VPS33B: variants seen among roughly 807,000 people sequenced by gnomAD.
The protein encoded by VPS33B is VPS33B late endosome and lysosome associated.
A neutral mutation model predicts 95.3 loss-of-function variants in VPS33B; 80 were observed. The ratio of observed to expected loss-of-function variants is 0.84; its 90% CI spans 0.70 to 1.01. The LOEUF (loss-of-function observed/expected upper bound fraction) is 1.01, where lower values mean the gene tolerates loss of function less well. Ranked by LOEUF, VPS33B falls within the 50% of genes least tolerant of loss-of-function variation. The pLI is 0.00. For missense variants in VPS33B, 715 were observed against 773.4 expected (o/e 0.92, Z 0.90); for synonymous variants, 280 against 280.4 (o/e 1.00, Z 0.01).
rs2040848291 is a variant in VPS33B at position 91,013,888 on chromosome 15, T to C, written c.290-17A>G. The stretch of plus-strand genomic sequence containing the variant: ...TGACAAGACCTACAGAGAGAAGGAA[T>C]GCAGCCCAGCAAGTCATGGGCCATC... On this transcript the variant is annotated splice_polypyrimidine_tract_variant and intron_variant, in intron 4 of 22. Transcript: ENST00000333371. This position sits in a 1 kb window ranked among gnomAD's most constrained non-coding sequence, Gnocchi z 4.5. 1 of 1,613,988 alleles carries C rather than the reference T, an allele frequency of 6.2e-7. No individual in the cohort carries two copies. The highest frequency in any genetic ancestry group is 2.2e-5 in the East Asian group (1 of 44,878).
rs780076027 is a variant in VPS33B, at chr15:90,999,670, CTCTT to C, written c.1774+3_1774+6del. 1.9e-6 allele frequency: 3 copies of C among 1,613,830 alleles called. No homozygotes were observed. The Admixed American group carries it at 5.0e-5, about 27-fold the overall frequency. On this transcript the variant is annotated splice_donor_5th_base_variant and intron_variant, in intron 22 of 22. Transcript: ENST00000333371. The surrounding 1 kb of genome is among the most constrained non-coding windows in gnomAD (Gnocchi z 5.1). ...AGGCCAATTCTCACCTTTCTGCTCT[CTCTT>C]ACCTTTCTCTCTGCCCAGGAACCGG...
chr15:90,999,288 A>C lies in VPS33B; in HGVS notation c.1775-234T>G. Reference sequence around the variant, plus strand: ...GCAAGTTGTATTCTGAGGCCAGGAGAAAAATATTCCTGTGCAGGACACTTT... The same window carrying C: ...GCAAGTTGTATTCTGAGGCCAGGAGCAAAATATTCCTGTGCAGGACACTTT... On this transcript the variant is annotated intron_variant, in intron 22 of 22. Coordinates refer to ENST00000333371, the MANE Select transcript of VPS33B (RefSeq NM_018668.5). The surrounding 1 kb of genome is among the most constrained non-coding windows in gnomAD (Gnocchi z 5.1). The C allele has an allele frequency of 1.7e-6, 1 of 598,366 alleles. No individual in the cohort carries two copies. The highest frequency in any genetic ancestry group is 1.9e-5 in the South Asian group (1 of 51,286). The allele number at this position is 598,366 out of a possible 1,614,324, so 37.1% of individuals were successfully genotyped here.
At position 90,999,192 on chromosome 15, in the gene VPS33B, T is replaced by C; in HGVS notation, c.1775-138A>G. The C allele has an allele frequency of 5.0e-6, 4 of 800,512 alleles. No homozygotes were observed. The South Asian group carries it at 5.8e-5, about 12-fold the overall frequency. 49.6% of individuals were successfully genotyped at this position (800,512 alleles called of 1,614,324 possible). On this transcript the variant is annotated intron_variant, in intron 22 of 22. Transcript: ENST00000333371. This position sits in a 1 kb window ranked among gnomAD's most constrained non-coding sequence, Gnocchi z 5.1. ...AGACAGAGACGTGAGTGCCATGCTC[T>C]TGGGCACCACTGCTTTCTATGACTG...
Position 91,009,820 on chromosome 15 carries a change from C to T in VPS33B, c.384G>A (p.Glu128=), listed in dbSNP as rs767353416. 1.9e-6 allele frequency: 3 copies of T among 1,614,164 alleles called. No homozygotes were observed. Among genetic ancestry groups the T allele is most frequent in the South Asian group, 2.2e-5 (2 of 91,078 alleles). Residue 128 remains glutamate, a synonymous_variant, in exon 6 of 23, where the codon GAG becomes GAA. Coordinates refer to ENST00000333371, the MANE Select transcript of VPS33B (RefSeq NM_018668.5). The surrounding 1 kb of genome is among the most constrained non-coding windows in gnomAD (Gnocchi z 4.1). The part of the protein sequence containing the change: ...QKFYACEMVL[E]EEGIYGDVSC... ...TCTCACCTCCATAGATTCCCTCTTC[C>T]TCAAGCACCATCTCACACGCATAGA...
chr15:91,002,242 G>A lies in VPS33B; in HGVS notation c.1273-60C>T. 1 of 1,604,188 alleles carries A rather than the reference G, an allele frequency of 6.2e-7. No homozygotes were observed. On this transcript the variant is annotated intron_variant, in intron 17 of 22. Coordinates refer to ENST00000333371, the MANE Select transcript of VPS33B (RefSeq NM_018668.5). The surrounding 1 kb of genome is among the most constrained non-coding windows in gnomAD (Gnocchi z 4.7). ...TCCAAAGAGCATCTAGTACTGTCAG[G>A]TACTACAGAGTTGAGCAGAAGGACT...
In VPS33B at chr15:91,002,634, TAAA is replaced by T. The variant is rs74516510; in HGVS notation, c.1272+448_1272+450del. On this transcript the variant is annotated intron_variant, in intron 17 of 22. Coordinates refer to ENST00000333371, the MANE Select transcript of VPS33B (RefSeq NM_018668.5). The surrounding 1 kb of genome is among the most constrained non-coding windows in gnomAD (Gnocchi z 4.7). ...AACAGAGCGAGACATCGTCTCGAAA[TAAA>T]AAAAAAAAAAAAAAGAAAAGAAATA... 1.1e-5 allele frequency among the ~76,000 whole-genome samples: 1 copy of T among 88,760 alleles called. No homozygotes were observed. The highest frequency in any genetic ancestry group is 2.6e-5 in the Non-Finnish European group (1 of 38,044). The allele number at this position is 88,760 out of a possible 152,430, so 58.2% of individuals were successfully genotyped here.
intron 3 of VPS33B, 48 bp from the exon 4 acceptor site, chr15:91,014,481 G>GCTATCCAACTT: frequency 6.2e-7 from 1 of 1,600,846 alleles, no homozygotes; most frequent in Non-Finnish European, 8.6e-7. Flanking sequence ...TTATCAAGTT[G>GCTATCCAACTT]GATAGCAACT....
intron 4 of VPS33B, 71 bp downstream of exon 4, chr15:91,014,313 C>T: frequency 6.8e-7 from 1 of 1,476,604 alleles, no homozygotes; most frequent in Non-Finnish European, 9.5e-7. Flanking sequence ...ATTAGAGGGT[C>T]CTTATGGCCA....
At position 91,000,906 on chromosome 15, in the gene VPS33B, T is replaced by C. The variant is rs1332812393; in HGVS notation, c.1480-315A>G. 4.9e-6 allele frequency: 2 copies of C among 409,660 alleles called. No individual in the cohort carries two copies. Among genetic ancestry groups the C allele is most frequent in the Non-Finnish European group, 9.2e-6 (2 of 218,030 alleles). 25.4% of individuals were successfully genotyped at this position (409,660 alleles called of 1,614,324 possible). A position where few individuals can be genotyped will look rare whatever the true frequency, so the allele number is the denominator to read the frequency against. ...GCAGCACTTAGAATATTCTCTGGCA[T>C]TGGCAGGTGCTTGTTACATGTTGAT... On this transcript the variant is annotated intron_variant, in intron 19 of 22. Transcript: ENST00000333371. This position sits in a 1 kb window ranked among gnomAD's most constrained non-coding sequence, Gnocchi z 4.9.
chr15:90,999,789 C>T lies in VPS33B; in HGVS notation c.1662G>A (p.Met554Ile), dbSNP rs371408777. ...CACTGGAAGCCTTGTCTTCCTTAGTCATATCTGTGAGGATCAGACCAGATT... is the reference window on the plus strand; with the variant it reads ...CACTGGAAGCCTTGTCTTCCTTAGTTATATCTGTGAGGATCAGACCAGATT... ...LNCSDFAFTD[M>I]TKEDKASSES... Residue 554 changes from methionine to isoleucine, a missense_variant, in exon 22 of 23, where the codon ATG becomes ATA. Coordinates refer to ENST00000333371, the MANE Select transcript of VPS33B (RefSeq NM_018668.5). This position sits in a 1 kb window ranked among gnomAD's most constrained non-coding sequence, Gnocchi z 5.1. 3.7e-6 allele frequency: 6 copies of T among 1,614,000 alleles called. No individual in the cohort carries two copies. The highest frequency in any genetic ancestry group is 5.1e-6 in the Non-Finnish European group (6 of 1,180,020).
At position 91,007,723 on chromosome 15, in the gene VPS33B, C is replaced by T; in HGVS notation, c.498+147G>A. 1.7e-6 allele frequency: 2 copies of T among 1,155,962 alleles called. No individual in the cohort carries two copies. The highest frequency in any genetic ancestry group is 3.4e-5 in the Admixed American group (2 of 58,684). The allele number at this position is 1,155,962 out of a possible 1,614,324, so 71.6% of individuals were successfully genotyped here. Reference sequence around the variant, plus strand: ...GGCTCCACAGGAAGTCCCACAGAGACCAATCTGTAGCACTCAATCACCACA... The same window carrying T: ...GGCTCCACAGGAAGTCCCACAGAGATCAATCTGTAGCACTCAATCACCACA... On this transcript the variant is annotated intron_variant, in intron 7 of 22. Coordinates refer to ENST00000333371, the MANE Select transcript of VPS33B (RefSeq NM_018668.5). This position sits in a 1 kb window ranked among gnomAD's most constrained non-coding sequence, Gnocchi z 5.3.
chr15:91,005,195 T>C lies in VPS33B; in HGVS notation c.1106-76A>G. On this transcript the variant is annotated intron_variant, in intron 14 of 22. Coordinates refer to ENST00000333371, the MANE Select transcript of VPS33B (RefSeq NM_018668.5). This position sits in a 1 kb window ranked among gnomAD's most constrained non-coding sequence, Gnocchi z 6.4. ...CCATCTATGCTAACAGGTGTCTGTC[T>C]CCCCATCTCTTTCTCCATCCTTGGG... 4 of 1,613,220 alleles carry C rather than the reference T, an allele frequency of 2.5e-6. No individual in the cohort carries two copies. The highest frequency in any genetic ancestry group is 3.4e-6 in the Non-Finnish European group (4 of 1,179,852).
rs758501548 is a variant in VPS33B at position 91,006,070 on chromosome 15, A to G, written c.853-11T>C. On this transcript the variant is annotated splice_polypyrimidine_tract_variant and intron_variant, in intron 11 of 22. Coordinates refer to ENST00000333371, the MANE Select transcript of VPS33B (RefSeq NM_018668.5). The surrounding 1 kb of genome is among the most constrained non-coding windows in gnomAD (Gnocchi z 5.4). ...AATCTCATTAAACACCTGTGAGGAC[A>G]GTAAGACAAGAACAGCTTACTCTGT... 4.3e-6 allele frequency: 7 copies of G among 1,614,054 alleles called. No homozygotes were observed. In the Admixed American group the frequency reaches 1.2e-4, roughly 27 times the overall value.
At chr15:91,020,861 A>T (rs1327442650) in intron 1 of VPS33B, among the ~76,000 whole-genome samples, 1 of 152,228 alleles carries the variant, frequency 6.6e-6, no homozygotes, top group African/African-American at 2.4e-5. Context: ...AGCCTGGGCA[A>T]CGGAGTGAGA....
chr15:90,998,973 C>T lies in VPS33B; in HGVS notation c.*2G>A. 2 of 1,614,094 alleles carry T rather than the reference C, an allele frequency of 1.2e-6. No homozygotes were observed. Among genetic ancestry groups the T allele is most frequent in the Non-Finnish European group, 1.7e-6 (2 of 1,180,010 alleles). ...AGATGTCAACACTGGCCGGGAAAAACATCAGGCTTTCACCTCACTCATGGC... is the reference window on the plus strand; with the variant it reads ...AGATGTCAACACTGGCCGGGAAAAATATCAGGCTTTCACCTCACTCATGGC... On this transcript the variant is annotated 3_prime_UTR_variant, in exon 23 of 23. Transcript: ENST00000333371. The surrounding 1 kb of genome is among the most constrained non-coding windows in gnomAD (Gnocchi z 4.8).
chr15:91,013,784 C>T lies in VPS33B; in HGVS notation c.357+20G>A. On this transcript the variant is annotated intron_variant, in intron 5 of 22. Coordinates refer to ENST00000333371, the MANE Select transcript of VPS33B (RefSeq NM_018668.5). The surrounding 1 kb of genome is among the most constrained non-coding windows in gnomAD (Gnocchi z 4.5). ...AGTCCTGTTCTACCTTATCCCACTT[C>T]CTCCAGGATCCAAACTCACCTTTTG... 1.2e-6 allele frequency: 2 copies of T among 1,614,070 alleles called. No homozygotes were observed. The highest frequency in any genetic ancestry group is 1.1e-5 in the South Asian group (1 of 91,084).
chr15:91,000,054 T>A lies in VPS33B; in HGVS notation c.1582-79A>T. 1 of 1,488,380 alleles carries A rather than the reference T, an allele frequency of 6.7e-7. No homozygotes were observed. The highest frequency in any genetic ancestry group is 9.1e-7 in the Non-Finnish European group (1 of 1,102,830). 92.2% of individuals were successfully genotyped at this position (1,488,380 alleles called of 1,614,324 possible). A position where few individuals can be genotyped will look rare whatever the true frequency, so the allele number is the denominator to read the frequency against. Reference sequence around the variant, plus strand: ...AAGGAAGGGCACAGCAGCCAGACTGTCACATTTCTTGCTCATTACTCAAGT... The same window carrying A: ...AAGGAAGGGCACAGCAGCCAGACTGACACATTTCTTGCTCATTACTCAAGT... On this transcript the variant is annotated intron_variant, in intron 20 of 22. Transcript: ENST00000333371. The surrounding 1 kb of genome is among the most constrained non-coding windows in gnomAD (Gnocchi z 4.9).
Position 91,006,209 on chromosome 15 carries a change from C to T in VPS33B, c.853-150G>A, listed in dbSNP as rs1195045671. On this transcript the variant is annotated intron_variant, in intron 11 of 22. Coordinates refer to ENST00000333371, the MANE Select transcript of VPS33B (RefSeq NM_018668.5). This position sits in a 1 kb window ranked among gnomAD's most constrained non-coding sequence, Gnocchi z 5.4. ...GTAAGTCCATATCAAATGCCTACAC[C>T]GTGTTCTAGGAGATGCTCTGAACTG... 1.3e-5 allele frequency: 18 copies of T among 1,340,856 alleles called. No homozygotes were observed. Among genetic ancestry groups the T allele is most frequent in the East Asian group, 4.6e-5 (2 of 43,234 alleles). The allele number at this position is 1,340,856 out of a possible 1,614,324, so 83.1% of individuals were successfully genotyped here.
rs6496750 is a variant in VPS33B, at chr15:91,011,847, C to T, written c.357+1957G>A. On this transcript the variant is annotated intron_variant, in intron 5 of 22. Coordinates refer to ENST00000333371, the MANE Select transcript of VPS33B (RefSeq NM_018668.5). This position sits in a 1 kb window ranked among gnomAD's most constrained non-coding sequence, Gnocchi z 5.5. ...TTTTAAAAATATAAAAAATTAGCCA[C>T]GCACGGTGGTGCACATCTGTAGTCC... Among the ~76,000 whole-genome samples, 16 of 151,804 alleles carry T rather than the reference C, an allele frequency of 1.1e-4. No individual in the cohort carries two copies. Among genetic ancestry groups the T allele is most frequent in the Non-Finnish European group, 2.2e-4 (15 of 67,968 alleles).
Sources: allele counts gnomAD v4.1 joint callset (sites outside exome capture counted in the v4.1 genomes callset), GRCh38; gene constraint gnomAD v4.1.1; non-coding constraint Gnocchi (gnomAD v3.1); transcripts MANE v1.5; gene names NCBI Gene and HGNC (gene_info 2026-07-23, HGNC 2026-07-21).